RAB33B: variants seen among roughly 807,000 people sequenced by gnomAD.
The protein encoded by RAB33B is ras-related protein Rab-33B.
In RAB33B, 6 loss-of-function variants were observed where a neutral mutation model predicts 15.0. That is an observed-to-expected ratio of 0.40 (90% CI 0.22 to 0.79). The LOEUF is 0.79. Ranked by LOEUF, RAB33B falls within the 30% of genes least tolerant of loss-of-function variation. RAB33B has a pLI of 0.37. For synonymous variants in RAB33B, 117 were observed against 108.3 expected, an observed-to-expected ratio of 1.08 and a Z score of -0.50; for missense variants, 257 against 296.4, an observed-to-expected ratio of 0.87 and a Z score of 0.98.
At chr4:139,470,772 T>G (rs1166174712) in intron 1 of RAB33B, among the ~76,000 whole-genome samples, 1 of 151,952 alleles carries the variant, frequency 6.6e-6, no homozygotes, top group Non-Finnish European at 1.5e-5. Context: ...AGGACTGGAT[T>G]TTTTCCTTCA....
chr4:139,444,775 A>T, the RAB33B span, among the ~76,000 whole-genome samples: 1 of 152,240 alleles, frequency 6.6e-6, no homozygotes, highest in South Asian at 2.1e-4. Context: ...GCCAGAATGC[A>T]TAATTGGCAC....
At position 139,454,435 on chromosome 4, in the gene RAB33B, G is replaced by A. The variant is rs1456131632; in HGVS notation, c.240G>A (p.Glu80=). The change falls in exon 1 of 2, where the codon GAG becomes GAA. Residue 80 remains glutamate, a synonymous_variant. Transcript: ENST00000305626. ...AACGAGCGGTGGAGATTGATGGGGA[G>A]CGCATCAAGGTGAGCGGATGGGGAA... ...FRERAVEIDG[E]RIKIQLWDTA... The A allele has an allele frequency of 6.2e-7, 1 of 1,608,728 alleles. No individual in the cohort carries two copies. Among genetic ancestry groups the A allele is most frequent in the Non-Finnish European group, 8.5e-7 (1 of 1,179,952 alleles).
the RAB33B span, among the ~76,000 whole-genome samples, chr4:139,448,026 T>C: frequency 2.6e-5 from 4 of 152,036 alleles, no homozygotes; most frequent in South Asian, 2.1e-4. Context: ...GCTGGGGTGA[T>C]TGACCTGGAC....
chr4:139,454,466 G>A, intron 1 of RAB33B, 22 bp downstream of exon 1: 1 of 1,600,176 alleles, frequency 6.2e-7, no homozygotes, highest in Non-Finnish European at 8.5e-7. Context: ...GGGAACTGTT[G>A]GGGAGGACAG....
At chr4:139,442,567 A>T in the RAB33B span, among the ~76,000 whole-genome samples, 1 of 152,174 alleles carries the variant, frequency 6.6e-6, no homozygotes, top group Non-Finnish European at 1.5e-5. Flanking sequence ...CAGCATGATC[A>T]GAATATAAAG....
chr4:139,462,316 G>GTGC (rs1480405249), intron 1 of RAB33B, among the ~76,000 whole-genome samples: 2 of 152,020 alleles, frequency 1.3e-5, no homozygotes, highest in Non-Finnish European at 2.9e-5. Context: ...GCCTCCCAAA[G>GTGC]TGCTGGGATT....
At chr4:139,461,272 A>G (rs906096589) in intron 1 of RAB33B, among the ~76,000 whole-genome samples, 1 of 152,150 alleles carries the variant, frequency 6.6e-6, no homozygotes, top group Non-Finnish European at 1.5e-5. Flanking sequence ...AATGGAAAGC[A>G]GGGGAGGGCC....
At chr4:139,456,726 T>C (rs139481943) in intron 1 of RAB33B, among the ~76,000 whole-genome samples, 253 of 152,354 alleles carry the variant, frequency 1.7e-3, no homozygotes, top group African/African-American at 5.0e-3. Flanking sequence ...TTGAGAGAGA[T>C]TTTTATTGTG....
chr4:139,454,400 G>A lies in RAB33B; in HGVS notation c.205G>A (p.Asp69Asn). Reference protein sequence around the residue: ...PDRTEATIGVDFRERAVEIDG... With the variant: ...PDRTEATIGVNFRERAVEIDG... ...CCGCACCGAGGCCACGATAGGGGTG[G>A]ATTTCCGAGAACGAGCGGTGGAGAT... Residue 69 changes from aspartate to asparagine, a missense_variant, in exon 1 of 2, where the codon GAT (aspartate) becomes AAT (asparagine). Transcript: ENST00000305626. The A allele has an allele frequency of 6.2e-7, 1 of 1,613,090 alleles. No individual in the cohort carries two copies. Among genetic ancestry groups the A allele is most frequent in the Non-Finnish European group, 8.5e-7 (1 of 1,180,022 alleles).
chr4:139,459,793 C>A (rs1466447762), intron 1 of RAB33B, among the ~76,000 whole-genome samples: 1 of 152,128 alleles, frequency 6.6e-6, no homozygotes, highest in Non-Finnish European at 1.5e-5. Flanking sequence ...GCCACCCCAC[C>A]CCGCTAATTT....
chr4:139,472,620 T>A, intron 1 of RAB33B, 66 bp from the exon 2 acceptor site: 1 of 1,152,868 alleles, frequency 8.7e-7, no homozygotes, highest in Admixed American at 2.3e-5. Context: ...GCAAGATGAT[T>A]ACATTTCTTG....
rs773200487 is a variant in RAB33B, at chr4:139,454,365, G to C, written c.170G>C (p.Arg57Pro). The change falls in exon 1 of 2, where the codon CGC becomes CCC. Residue 57 changes from arginine (R) to proline (P), a missense_variant. Transcript: ENST00000305626. ...TCLTYRFCAG[R>P]FPDRTEATIG... Reference sequence around the variant, plus strand: ...CTGACCTACCGCTTCTGCGCTGGCCGCTTCCCCGACCGCACCGAGGCCACG... The same window carrying C: ...CTGACCTACCGCTTCTGCGCTGGCCCCTTCCCCGACCGCACCGAGGCCACG... The C allele has an allele frequency of 1.9e-6, 3 of 1,613,908 alleles. No individual in the cohort carries two copies. Among genetic ancestry groups the C allele is most frequent in the South Asian group, 2.2e-5 (2 of 91,082 alleles).
At chr4:139,438,804 T>C in the RAB33B span, among the ~76,000 whole-genome samples, 70,421 of 152,094 alleles carry the variant, frequency 0.46, 18,585 homozygotes, top group Admixed American at 0.65. Flanking sequence ...TAATACTAGC[T>C]TTTATAATTT....
At chr4:139,449,864 T>C (rs1749888274), upstream of RAB33B, 1 of 152,130 alleles carries the variant, frequency 6.6e-6, no homozygotes, top group South Asian at 2.1e-4. Flanking sequence ...GATTGCACTT[T>C]TTACATATAT....
chr4:139,475,758 C>G lies in RAB33B; in HGVS notation c.*2632C>G, dbSNP rs1416521474. On this transcript the variant is annotated 3_prime_UTR_variant, in exon 2 of 2. Coordinates refer to ENST00000305626, the MANE Select transcript of RAB33B (RefSeq NM_031296.3). ...ATTTGAGAACACCAAAGGAAACTACCCCAGAATCTAATGTAGTTCGCTATT... is the reference window on the plus strand; with the variant it reads ...ATTTGAGAACACCAAAGGAAACTACGCCAGAATCTAATGTAGTTCGCTATT... The G allele has an allele frequency of 6.6e-6, 1 of 151,974 alleles. No individual in the cohort carries two copies. Among genetic ancestry groups the G allele is most frequent in the African/African-American group, 2.4e-5 (1 of 41,388 alleles). 9.4% of individuals were successfully genotyped at this position (151,974 alleles called of 1,614,324 possible).
chr4:139,469,919 GACC>G (rs1226845538), intron 1 of RAB33B, among the ~76,000 whole-genome samples: 14 of 152,112 alleles, frequency 9.2e-5, no homozygotes, highest in South Asian at 6.2e-4. Context: ...GCACCCCTGT[GACC>G]ACCACCACTA....
In RAB33B at chr4:139,476,175, G is replaced by C. The variant is rs116402254; in HGVS notation, c.*3049G>C. On this transcript the variant is annotated 3_prime_UTR_variant, in exon 2 of 2. Transcript: ENST00000305626. The stretch of plus-strand genomic sequence containing the variant: ...TGTTTTAGTAATCCAGCTTGTTTTA[G>C]AATAGTTCAGTGCAAAAAGCAAATG... The C allele has an allele frequency of 6.6e-6, 1 of 152,180 alleles. No individual in the cohort carries two copies. Among genetic ancestry groups the C allele is most frequent in the African/African-American group, 2.4e-5 (1 of 41,450 alleles). The allele number at this position is 152,180 out of a possible 1,614,324, so 9.4% of individuals were successfully genotyped here.
At chr4:139,470,694 G>A (rs551288282) in intron 1 of RAB33B, among the ~76,000 whole-genome samples, 1 of 152,316 alleles carries the variant, frequency 6.6e-6, no homozygotes, top group African/African-American at 2.4e-5. Context: ...TGTCAATGTA[G>A]TGCCTGGGTA....
At chr4:139,471,718 T>C (rs1750396350) in intron 1 of RAB33B, among the ~76,000 whole-genome samples, 1 of 152,182 alleles carries the variant, frequency 6.6e-6, no homozygotes, top group African/African-American at 2.4e-5. Flanking sequence ...AGCTACCGCA[T>C]CTGGCTGCAC....
Sources: allele counts gnomAD v4.1 joint callset (sites outside exome capture counted in the v4.1 genomes callset), GRCh38; gene constraint gnomAD v4.1.1; transcripts MANE v1.5; gene names NCBI Gene and HGNC (gene_info 2026-07-23, HGNC 2026-07-21).